ACAP2: variants seen among roughly 807,000 people sequenced by gnomAD.
ACAP2 encodes the protein ArfGAP with coiled-coil, ankyrin repeat and PH domains 2.
Under a neutral mutation model 115.8 loss-of-function variants are expected in ACAP2, and 39 were observed. That is an observed-to-expected ratio of 0.34 (90% confidence interval 0.26 to 0.44). ACAP2 has a LOEUF of 0.44. Ranked by LOEUF, ACAP2 falls within the 20% of genes least tolerant of loss-of-function variation. ACAP2 has a pLI of 1.00. For synonymous variants in ACAP2, 289 were observed against 315.8 expected (o/e 0.92, Z 0.90); for missense variants, 662 against 927.6 (o/e 0.71, Z 3.72).
intron 1 of ACAP2, among the ~76,000 whole-genome samples, chr3:195,408,966 T>C (rs1249635713): frequency 6.6e-6 from 1 of 152,050 alleles, no homozygotes; most frequent in Non-Finnish European, 1.5e-5. Context: ...AAAAGCCATA[T>C]ACCAAAAAAC....
At chr3:195,425,707 T>C (rs1345745973) in intron 1 of ACAP2, among the ~76,000 whole-genome samples, 1 of 152,190 alleles carries the variant, frequency 6.6e-6, no homozygotes, top group East Asian at 1.9e-4. Flanking sequence ...AAAAAACCTA[T>C]TCTTCCCTTG....
chr3:195,433,251 T>C (rs991460559), intron 1 of ACAP2, among the ~76,000 whole-genome samples: 2 of 152,246 alleles, frequency 1.3e-5, no homozygotes, highest in African/African-American at 2.4e-5. Context: ...AAATGTTATG[T>C]GTAAATAGTT....
At chr3:195,403,610 T>C (rs1712497067) in intron 1 of ACAP2, among the ~76,000 whole-genome samples, 1 of 152,244 alleles carries the variant, frequency 6.6e-6, no homozygotes. Context: ...TTAGATGTGA[T>C]ATGCAAGCAT....
intron 9 of ACAP2, among the ~76,000 whole-genome samples, chr3:195,321,184 A>G (rs982798910): frequency 6.0e-5 from 9 of 148,874 alleles, no homozygotes; most frequent in African/African-American, 2.2e-4. Context: ...TACACAGGGT[A>G]TGACGTTTAA....
chr3:195,313,790 CTA>C (rs1356802081), intron 10 of ACAP2, among the ~76,000 whole-genome samples: 1 of 152,068 alleles, frequency 6.6e-6, no homozygotes, highest in Non-Finnish European at 1.5e-5. Context: ...ATGTTAGTAT[CTA>C]TTTATTTTCC....
chr3:195,295,269 C>G, intron 17 of ACAP2: 1 of 1,291,652 alleles, frequency 7.7e-7, no homozygotes, highest in South Asian at 1.2e-5. Flanking sequence ...ACAGAGACTC[C>G]CGCCTGGCCT....
chr3:195,365,917 C>T (rs1212024310), intron 4 of ACAP2, among the ~76,000 whole-genome samples: 3 of 151,162 alleles, frequency 2.0e-5, no homozygotes, highest in Non-Finnish European at 4.4e-5. Flanking sequence ...CCTTAGCTCA[C>T]CGCAACCTGC....
At chr3:195,418,565 G>C (rs185965194) in intron 1 of ACAP2, among the ~76,000 whole-genome samples, 1 of 152,228 alleles carries the variant, frequency 6.6e-6, no homozygotes, top group African/African-American at 2.4e-5. Flanking sequence ...TCAGGTAGCT[G>C]GGACTACAGA....
At chr3:195,364,231 G>T (rs1732561926) in intron 4 of ACAP2, among the ~76,000 whole-genome samples, 1 of 152,074 alleles carries the variant, frequency 6.6e-6, no homozygotes, top group Non-Finnish European at 1.5e-5. Context: ...ATTATAAAGG[G>T]CTCAAATAAC....
Position 195,292,469 on chromosome 3 carries a change from T to C in ACAP2, c.1766-17A>G, listed in dbSNP as rs372782731. The C allele has an allele frequency of 5.1e-6, 8 of 1,571,794 alleles. No homozygotes were observed. The highest frequency in any genetic ancestry group is 6.0e-6 in the Non-Finnish European group (7 of 1,165,714). ...TTTCTCCTTCTGAAAAGCAAACACA[T>C]ACACATCAATAAAAATGAGCTCTTG... On this transcript the variant is annotated splice_polypyrimidine_tract_variant and intron_variant, in intron 18 of 22. Coordinates refer to ENST00000326793, the MANE Select transcript of ACAP2 (RefSeq NM_012287.6).
chr3:195,295,614 TA>T (rs140076081), intron 17 of ACAP2, 93 bp downstream of exon 17: 43 of 1,369,270 alleles, frequency 3.1e-5, no homozygotes, highest in East Asian at 4.6e-5. Flanking sequence ...TTTTTAACAT[TA>T]AAAAAAACGA....
At chr3:195,419,112 G>C (rs182003346) in intron 1 of ACAP2, among the ~76,000 whole-genome samples, 1 of 151,994 alleles carries the variant, frequency 6.6e-6, no homozygotes, top group Non-Finnish European at 1.5e-5. Flanking sequence ...ATACCCATTT[G>C]AAGTGTACAA....
intron 4 of ACAP2, chr3:195,357,695 T>C (rs905524238): frequency 5.3e-5 from 8 of 152,238 alleles, no homozygotes; most frequent in Admixed American, 3.3e-4. Context: ...CTCTACCTGG[T>C]AATCCAGAGA....
At chr3:195,420,023 C>T (rs139604582) in intron 1 of ACAP2, among the ~76,000 whole-genome samples, 2 of 152,270 alleles carry the variant, frequency 1.3e-5, no homozygotes, top group African/African-American at 4.8e-5. Flanking sequence ...AAAATGCTGA[C>T]TGACATTGCA....
At chr3:195,367,326 T>C (rs1732796324) in intron 4 of ACAP2, among the ~76,000 whole-genome samples, 2 of 152,198 alleles carry the variant, frequency 1.3e-5, no homozygotes, top group South Asian at 4.1e-4. Flanking sequence ...TCTCAAACTT[T>C]ACTAGTGGTT....
chr3:195,393,548 G>C (rs1711514763), intron 1 of ACAP2, among the ~76,000 whole-genome samples: 1 of 152,222 alleles, frequency 6.6e-6, no homozygotes, highest in African/African-American at 2.4e-5. Flanking sequence ...CTGTAGCACA[G>C]AAACAGAAAT....
intron 21 of ACAP2, among the ~76,000 whole-genome samples, chr3:195,288,632 TGGATCACCTGAGGTCA>T (rs1282093884): frequency 5.3e-4 from 81 of 151,858 alleles, no homozygotes; most frequent in Non-Finnish European, 2.7e-4. Flanking sequence ...CCGAGGCGGG[TGGATCACCTGAGGTCA>T]GGAGTTCGAG....
At chr3:195,378,525 CAAA>C in intron 4 of ACAP2, among the ~76,000 whole-genome samples, 1 of 142,634 alleles carries the variant, frequency 7.0e-6, no homozygotes, top group Non-Finnish European at 1.5e-5. Flanking sequence ...CAAAAAAAAA[CAAA>C]AAAAATCTCT....
chr3:195,302,136 T>C lies in ACAP2; in HGVS notation c.1155A>G (p.Leu385=), dbSNP rs146487040. The change falls in exon 14 of 23, where the codon CTA becomes CTG. Residue 385 remains leucine (L), a synonymous_variant. Coordinates refer to ENST00000326793, the MANE Select transcript of ACAP2 (RefSeq NM_012287.6). ...TCTCTTTGGACTCATTTCCAGAATC[T>C]AGGCTTCCTGTGGATGGAGATGATT... The part of the protein sequence containing the change: ...DKKSSPSTGS[L]DSGNESKEKL... 66 of 1,613,888 alleles carry C rather than the reference T, an allele frequency of 4.1e-5. No individual in the cohort carries two copies. The highest frequency in any genetic ancestry group is 5.1e-5 in the Non-Finnish European group (60 of 1,180,008).
Sources: allele counts gnomAD v4.1 joint callset (sites outside exome capture counted in the v4.1 genomes callset), GRCh38; gene constraint gnomAD v4.1.1; transcripts MANE v1.5; gene names NCBI Gene and HGNC (gene_info 2026-07-23, HGNC 2026-07-21).